Variants in SH3KBP1 observed in about 807,000 individuals in gnomAD.
SH3KBP1 encodes the protein SH3 domain-containing kinase-binding protein 1.
A neutral mutation model predicts 50.1 loss-of-function variants in SH3KBP1; 8 were observed. The observed-to-expected ratio is 0.16, with a 90% CI of 0.09 to 0.29. The LOEUF (loss-of-function observed/expected upper bound fraction) is 0.29, where lower values mean the gene tolerates loss of function less well. SH3KBP1 is among the 10% of genes least tolerant of loss of function. The pLI is 1.00. For synonymous variants in SH3KBP1, 227 were observed against 218.6 expected, an observed-to-expected ratio of 1.04 and a Z score of -0.34; for missense variants, 377 against 535.2, an observed-to-expected ratio of 0.70 and a Z score of 2.92.
intron 2 of SH3KBP1, among the ~76,000 whole-genome samples, chrX:19,774,545 C>T (rs2065900194): frequency 9.2e-6 from 1 of 108,568 alleles, no homozygotes; most frequent in Admixed American, 1.0e-4. Flanking sequence ...GTGGCAGGCG[C>T]CAGGAGTCCC....
At position 19,831,800 on chromosome X, in the gene SH3KBP1, A is replaced by AAAAAAAAAAAAG. The variant is rs2067905381; in HGVS notation, c.162+4324_162+4325insCTTTTTTTTTTT. 2.8e-5 allele frequency among the ~76,000 whole-genome samples: 3 copies of AAAAAAAAAAAAG among 107,500 alleles called. No homozygotes were observed. In the East Asian group the frequency reaches 8.7e-4, roughly 31 times the overall value. The allele number at this position is 107,500 out of a possible 115,157, so 93.4% of individuals were successfully genotyped here. The stretch of plus-strand genomic sequence containing the variant: ...GGGTAAAACTCCATCCCAAAAAAAA[A>AAAAAAAAAAAAG]AAAAGAAAGACATTCCACAAAACTA... On this transcript the variant is annotated intron_variant, in intron 2 of 17. Transcript: ENST00000397821.
At chrX:19,828,556 C>A (rs928555962) in intron 2 of SH3KBP1, among the ~76,000 whole-genome samples, 1 of 110,299 alleles carries the variant, frequency 9.1e-6, no homozygotes, top group African/African-American at 3.3e-5. Context: ...CTGAGGCGGG[C>A]GGATCACTTG....
intron 12 of SH3KBP1, among the ~76,000 whole-genome samples, chrX:19,570,419 T>A (rs1234351135): frequency 9.0e-6 from 1 of 110,815 alleles, no homozygotes; most frequent in African/African-American, 3.3e-5. Flanking sequence ...TGTGGCCAAG[T>A]CCCCCGGGAC....
At chrX:19,747,472 G>T (rs931400557) in intron 2 of SH3KBP1, among the ~76,000 whole-genome samples, 1 of 111,215 alleles carries the variant, frequency 9.0e-6, no homozygotes, top group Non-Finnish European at 1.9e-5. Context: ...TGAGGAATGC[G>T]CTCCTTAAAA....
At position 19,734,612 on chromosome X, in the gene SH3KBP1, C is replaced by T. The variant is rs369007299; in HGVS notation, c.286+11706G>A. 9.8e-5 allele frequency among the ~76,000 whole-genome samples: 11 copies of T among 111,894 alleles called. No individual in the cohort carries two copies. In the East Asian group the frequency reaches 3.1e-3, roughly 31 times the overall value. On this transcript the variant is annotated intron_variant, in intron 3 of 17. Coordinates refer to ENST00000397821, the MANE Select transcript of SH3KBP1 (RefSeq NM_031892.3). ...TTTATGTATCTGCAGGATTGTACAG[C>T]CATGACAGCAGTGTAATTTTAGAAC...
intron 6 of SH3KBP1, among the ~76,000 whole-genome samples, chrX:19,653,288 T>C (rs2062174326): frequency 8.9e-6 from 1 of 112,030 alleles, no homozygotes; most frequent in Non-Finnish European, 1.9e-5. Flanking sequence ...ACCAGCCTTT[T>C]CAATAATTTT....
chrX:19,854,097 C>T (rs1280765943), intron 1 of SH3KBP1, among the ~76,000 whole-genome samples: 1 of 110,991 alleles, frequency 9.0e-6, no homozygotes, highest in Non-Finnish European at 1.9e-5. Context: ...GGTTAAACCT[C>T]TCTTCTAAAT....
intron 2 of SH3KBP1, among the ~76,000 whole-genome samples, chrX:19,773,283 G>T (rs2065843890): frequency 1.8e-5 from 2 of 111,095 alleles, no homozygotes; most frequent in Non-Finnish European, 3.8e-5. Flanking sequence ...CTTTGGAATT[G>T]TACCTCACTT....
intron 9 of SH3KBP1, among the ~76,000 whole-genome samples, chrX:19,604,228 T>TTA (rs1001296233): frequency 7.2e-5 from 8 of 111,808 alleles, no homozygotes; most frequent in African/African-American, 2.6e-4. Context: ...CTAGGTTCTC[T>TTA]TATAAATAGC....
chrX:19,537,674 C>T (rs1442626951), intron 17 of SH3KBP1, 43 bp downstream of exon 17: 1 of 1,131,530 alleles, frequency 8.8e-7, no homozygotes, highest in Admixed American at 2.2e-5. Flanking sequence ...TCCTGCCCCA[C>T]TGAGCCTAGG....
intron 2 of SH3KBP1, among the ~76,000 whole-genome samples, chrX:19,786,750 T>C (rs975276246): frequency 4.5e-5 from 5 of 112,173 alleles, no homozygotes; most frequent in African/African-American, 1.6e-4. Flanking sequence ...TTCTAGTTTC[T>C]TTAAGAAAAT....
At chrX:19,580,279 TATACACACAC>T (rs1218278080) in intron 12 of SH3KBP1, among the ~76,000 whole-genome samples, 1 of 111,567 alleles carries the variant, frequency 9.0e-6, no homozygotes, top group Non-Finnish European at 1.9e-5. Context: ...CATACACACA[TATACACACAC>T]ACAAATTTTC....
chrX:19,872,708 G>A (rs903862332), intron 1 of SH3KBP1, among the ~76,000 whole-genome samples: 2 of 109,163 alleles, frequency 1.8e-5, no homozygotes, highest in African/African-American at 3.3e-5. Context: ...CCCGGGAGGC[G>A]GAGCTTGCAG....
At chrX:19,883,176 T>C (rs1426530817) in intron 1 of SH3KBP1, among the ~76,000 whole-genome samples, 1 of 112,157 alleles carries the variant, frequency 8.9e-6, no homozygotes, top group East Asian at 2.8e-4. Context: ...ATCCCCAGCA[T>C]TCCTGATTCA....
intron 9 of SH3KBP1, among the ~76,000 whole-genome samples, chrX:19,606,599 G>A (rs2067249441): frequency 8.9e-6 from 1 of 111,883 alleles, no homozygotes; most frequent in South Asian, 3.8e-4. Context: ...TGGGGGATGG[G>A]GGAGGAAACC....
chrX:19,570,149 G>A (rs889697141), intron 12 of SH3KBP1, among the ~76,000 whole-genome samples: 2 of 111,778 alleles, frequency 1.8e-5, no homozygotes, highest in Non-Finnish European at 3.8e-5. Flanking sequence ...GGTATTCAGA[G>A]GTGTGCCTAC....
chrX:19,617,835 C>CA (rs2067664321), intron 8 of SH3KBP1, among the ~76,000 whole-genome samples: 1 of 112,089 alleles, frequency 8.9e-6, no homozygotes, highest in South Asian at 3.7e-4. Flanking sequence ...CCTACCCTCA[C>CA]AGCACATAGG....
chrX:19,634,039 T>C (rs2061640689), intron 7 of SH3KBP1, among the ~76,000 whole-genome samples: 1 of 40,071 alleles, frequency 2.5e-5, no homozygotes, highest in Non-Finnish European at 4.5e-5. Context: ...CTGGTGTGTG[T>C]GTGTGTGTGT....
intron 3 of SH3KBP1, among the ~76,000 whole-genome samples, chrX:19,725,734 T>A (rs996145123): frequency 7.2e-5 from 8 of 111,767 alleles, no homozygotes; most frequent in Non-Finnish European, 1.1e-4. Flanking sequence ...AGAGGTCCCC[T>A]GCACTTCCCC....
Sources: allele counts gnomAD v4.1 joint callset (sites outside exome capture counted in the v4.1 genomes callset), GRCh38; gene constraint gnomAD v4.1.1; transcripts MANE v1.5; gene names NCBI Gene and HGNC (gene_info 2026-07-23, HGNC 2026-07-21).